Variants in MECOM observed in about 807,000 individuals in gnomAD.
The protein encoded by MECOM is histone-lysine N-methyltransferase MECOM.
A neutral mutation model predicts 116.3 loss-of-function variants in MECOM; 13 were observed. That is an observed-to-expected ratio of 0.11 (90% confidence interval 0.07 to 0.18). MECOM has a LOEUF of 0.18. Among genes scored for constraint, MECOM ranks in the 10% least tolerant of loss-of-function variants. The probability of loss-of-function intolerance (pLI) is 1.00; values close to 1 mark genes in which losing one functional copy is unlikely to be tolerated. For synonymous variants in MECOM, 528 were observed against 535.2 expected (o/e 0.99, Z 0.19); for missense variants, 1,299 against 1,509.0 (o/e 0.86, Z 2.31).
chr3:169,199,898 G>T (rs947398183), intron 2 of MECOM, among the ~76,000 whole-genome samples: 1 of 152,044 alleles, frequency 6.6e-6, no homozygotes, highest in Non-Finnish European at 1.5e-5. Context: ...TTAAATATCT[G>T]AGTATATCTG....
intron 1 of MECOM, among the ~76,000 whole-genome samples, chr3:169,631,052 G>A (rs1049541396): frequency 6.6e-6 from 1 of 152,248 alleles, no homozygotes; most frequent in African/African-American, 2.4e-5. Context: ...TCCAGATCAG[G>A]CTGCAGGCAG....
At chr3:169,346,086 G>A (rs1398489112) in intron 2 of MECOM, among the ~76,000 whole-genome samples, 1 of 152,034 alleles carries the variant, frequency 6.6e-6, no homozygotes, top group African/African-American at 2.4e-5. Context: ...CATGCAGAGG[G>A]TGATGAAGTT....
At chr3:169,123,747 A>G (rs545219819) in intron 5 of MECOM, among the ~76,000 whole-genome samples, 1 of 152,218 alleles carries the variant, frequency 6.6e-6, no homozygotes, top group Non-Finnish European at 1.5e-5. Context: ...AAAGGCAAGC[A>G]ATTTATAGAT....
chr3:169,420,365 A>G (rs1410798923), intron 1 of MECOM, among the ~76,000 whole-genome samples: 1 of 152,092 alleles, frequency 6.6e-6, no homozygotes, highest in Admixed American at 6.6e-5. Context: ...CAGCAAACCC[A>G]CCATGACCAC....
At chr3:169,208,759 A>G (rs992797728) in intron 2 of MECOM, among the ~76,000 whole-genome samples, 2 of 152,272 alleles carry the variant, frequency 1.3e-5, no homozygotes, top group African/African-American at 4.8e-5. Context: ...GAAAATGGCC[A>G]TACTGCCCAA....
chr3:169,133,547 G>A (rs1045914292), intron 3 of MECOM: 28 of 157,200 alleles, frequency 1.8e-4, no homozygotes, highest in African/African-American at 6.5e-4. Flanking sequence ...AGAAAACAAT[G>A]CTAAACATAA....
At chr3:169,537,807 CTT>C (rs1338735148) in intron 1 of MECOM, among the ~76,000 whole-genome samples, 1 of 151,436 alleles carries the variant, frequency 6.6e-6, no homozygotes, top group Non-Finnish European at 1.5e-5. Flanking sequence ...AAAAATAAAA[CTT>C]GAGTACAAAG....
intron 2 of MECOM, among the ~76,000 whole-genome samples, chr3:169,288,097 C>T (rs1713732530): frequency 6.6e-6 from 1 of 152,020 alleles, no homozygotes; most frequent in Non-Finnish European, 1.5e-5. Flanking sequence ...AACAGTAAGA[C>T]ATTAGAACTT....
intron 2 of MECOM, among the ~76,000 whole-genome samples, chr3:169,308,554 A>G (rs567010324): frequency 3.3e-5 from 5 of 152,382 alleles, no homozygotes; most frequent in African/African-American, 1.2e-4. Context: ...TTGATGTGAC[A>G]TCTTACAACA....
intron 1 of MECOM, among the ~76,000 whole-genome samples, chr3:169,510,748 A>G (rs1222256145): frequency 1.3e-5 from 2 of 152,218 alleles, no homozygotes; most frequent in Non-Finnish European, 2.9e-5. Flanking sequence ...AGAAAAATGC[A>G]GTGTGGTCAC....
At chr3:169,276,638 C>T (rs1185914784) in intron 2 of MECOM, among the ~76,000 whole-genome samples, 1 of 151,844 alleles carries the variant, frequency 6.6e-6, no homozygotes, top group East Asian at 1.9e-4. Flanking sequence ...TGTCTGCTCC[C>T]TCTCCTCAAA....
chr3:169,425,183 C>T (rs997256510), intron 1 of MECOM, among the ~76,000 whole-genome samples: 1 of 151,576 alleles, frequency 6.6e-6, no homozygotes, highest in African/African-American at 2.4e-5. Context: ...TCTAATTCTC[C>T]TGTCTCAGAG....
intron 1 of MECOM, among the ~76,000 whole-genome samples, chr3:169,493,209 G>A (rs1237207560): frequency 1.3e-5 from 2 of 152,036 alleles, no homozygotes; most frequent in African/African-American, 4.8e-5. Flanking sequence ...CAAGCACTGG[G>A]GCTCAAGAAC....
chr3:169,525,488 G>A (rs1576717192), intron 1 of MECOM, among the ~76,000 whole-genome samples: 2 of 152,286 alleles, frequency 1.3e-5, no homozygotes, highest in East Asian at 3.9e-4. Flanking sequence ...CATACTGAGA[G>A]TATATAGCCT....
chr3:169,315,972 T>C (rs1051462826), intron 2 of MECOM, among the ~76,000 whole-genome samples: 13 of 152,248 alleles, frequency 8.5e-5, no homozygotes, highest in African/African-American at 2.9e-4. Flanking sequence ...ATTTGTTCTT[T>C]GGTCAATAAT....
chr3:169,418,550 G>A (rs549865887), intron 1 of MECOM, among the ~76,000 whole-genome samples: 1 of 152,248 alleles, frequency 6.6e-6, no homozygotes, highest in South Asian at 2.1e-4. Context: ...TATCCACTAT[G>A]ATCAAGTCGG....
intron 1 of MECOM, among the ~76,000 whole-genome samples, chr3:169,522,923 T>A (rs748634353): frequency 4.6e-5 from 7 of 152,202 alleles, no homozygotes; most frequent in African/African-American, 1.4e-4. Context: ...TAGTGCCAGA[T>A]CCAGCATCTG....
intron 2 of MECOM, among the ~76,000 whole-genome samples, chr3:169,276,997 TACACACACACAC>T (rs71300479): frequency 3.5e-4 from 51 of 144,514 alleles, no homozygotes; most frequent in African/African-American, 7.2e-4. Context: ...TAATTTATGT[TACACACACACAC>T]ACACACACAC....
chr3:169,215,370 C>A (rs746557173), intron 2 of MECOM, among the ~76,000 whole-genome samples: 8 of 151,760 alleles, frequency 5.3e-5, no homozygotes, highest in Admixed American at 1.3e-4. Flanking sequence ...AACATGAATC[C>A]GTGGAGCTCC....
Sources: gnomAD v4.1 joint callset for allele counts (sites outside exome capture counted in the v4.1 genomes callset) on GRCh38, gnomAD v4.1.1 for gene constraint, MANE v1.5 for transcripts, NCBI Gene and HGNC (gene_info 2026-07-23, HGNC 2026-07-21) for gene names.